KRT74: variants seen among roughly 807,000 people sequenced by gnomAD.
The protein encoded by KRT74 is keratin 74.
In KRT74, 43 loss-of-function variants were observed where a neutral mutation model predicts 42.7. The observed-to-expected ratio is 1.01, with a 90% CI of 0.79 to 1.30. The LOEUF is 1.30. KRT74 is among the 50% of genes most tolerant of loss of function. The pLI, the probability that KRT74 is intolerant of heterozygous loss-of-function variation, is 0.00. For missense variants in KRT74, 736 were observed against 689.1 expected, an observed-to-expected ratio of 1.07 and a Z score of -0.76; for synonymous variants, 302 against 279.0, an observed-to-expected ratio of 1.08 and a Z score of -0.82.
intron 2 of KRT74, 52 bp from the exon 3 acceptor site, chr12:52,572,056 T>C: frequency 7.4e-7 from 1 of 1,344,806 alleles, no homozygotes; most frequent in Admixed American, 1.7e-5. Context: ...AGGAACTTTC[T>C]CTTCCTGCTG....
chr12:52,570,537 T>C (rs1213998577), intron 5 of KRT74, 132 bp downstream of exon 5: 5 of 961,924 alleles, frequency 5.2e-6, no homozygotes, highest in Non-Finnish European at 1.6e-6. Context: ...AATTCCTTTT[T>C]TCCTTGAAGC....
intron 3 of KRT74, 123 bp downstream of exon 3, chr12:52,571,821 C>A: frequency 1.3e-6 from 1 of 794,750 alleles, no homozygotes; most frequent in South Asian, 1.4e-5. Context: ...TCCACCCTCA[C>A]CAGGCACCAG....
rs115878001 is a variant in KRT74 at position 52,573,525 on chromosome 12, G to T, written c.253C>A (p.Arg85=). The T allele has an allele frequency of 3.1e-6, 5 of 1,614,038 alleles. No homozygotes were observed. Among genetic ancestry groups the T allele is most frequent in the Non-Finnish European group, 4.2e-6 (5 of 1,180,032 alleles). ...FRPGSGYGGG[R]ASGFAGSMFG... ...ATACTGCCAGCAAAGCCACTGGCCC[G>T]GCCCCCTCCATACCCAGAGCCAGGC... The change falls in exon 1 of 9, where the codon CGG becomes AGG. Residue 85 remains arginine (R), a synonymous_variant. Coordinates refer to ENST00000305620, the MANE Select transcript of KRT74 (RefSeq NM_175053.4).
chr12:52,568,006 C>T (rs1241558577), intron 7 of KRT74, among the ~76,000 whole-genome samples, 163 bp downstream of exon 7: 1 of 152,146 alleles, frequency 6.6e-6, no homozygotes, highest in Non-Finnish European at 1.5e-5. Context: ...CGCTTCATGG[C>T]TCATGTCCAA....
chr12:52,570,532 C>T, intron 5 of KRT74, 137 bp downstream of exon 5: 2 of 917,442 alleles, frequency 2.2e-6, no homozygotes, highest in South Asian at 3.0e-5. Flanking sequence ...CTAAGAATTC[C>T]TTTTTTCCTT....
At position 52,570,817 on chromosome 12, in the gene KRT74, T is replaced by C. The variant is rs776280010; in HGVS notation, c.860A>G (p.Gln287Arg). 12 of 1,614,252 alleles carry C rather than the reference T, an allele frequency of 7.4e-6. No individual in the cohort carries two copies. Among genetic ancestry groups the C allele is most frequent in the South Asian group, 3.3e-5 (3 of 91,086 alleles). ...GACAGAGGTCTCACTGGCGTGAGTC[T>C]GGATCTGAGCGATCTCCTGCATTGA... ...CLYDAEIAQI[Q>R]THASETSVIL... The change falls in exon 5 of 9, where the codon CAG becomes CGG. Residue 287 changes from glutamine to arginine, a missense_variant. Gln to Arg is a conservative substitution (Grantham distance 43). Coordinates refer to ENST00000305620, the MANE Select transcript of KRT74 (RefSeq NM_175053.4).
chr12:52,567,241 TC>T, intron 8 of KRT74, 73 bp from the exon 9 acceptor site: 1 of 1,301,734 alleles, frequency 7.7e-7, no homozygotes. Context: ...GTAACGGCTG[TC>T]CCCAAGGGCT....
chr12:52,573,723 G>A lies in KRT74; in HGVS notation c.55C>T (p.His19Tyr), dbSNP rs1939531985. Residue 19 changes from histidine (H) to tyrosine (Y), a missense_variant, in exon 1 of 9, where the codon CAT (histidine) becomes TAT (tyrosine). Physicochemically the swap from His to Tyr is moderately conservative, Grantham distance 83. Coordinates refer to ENST00000305620, the MANE Select transcript of KRT74 (RefSeq NM_175053.4). ...SSGDKGNFSV[H>Y]SAVVPRKAVG... ...GCCTTCCTTGGCACCACTGCCGAAT[G>A]CACACTGAAGTTGCCCTTGTCACCA... 1.2e-6 allele frequency: 2 copies of A among 1,614,088 alleles called. No individual in the cohort carries two copies. The highest frequency in any genetic ancestry group is 1.7e-6 in the Non-Finnish European group (2 of 1,180,032).
In KRT74 at chr12:52,566,201, C is replaced by T. The variant is rs951211169; in HGVS notation, c.*768G>A. ...CTGGCACATAGGTGGGTGACTGGGG[C>T]CAGTTCAGCAGCCTCTTGGGATCAG... is the stretch of plus-strand genomic sequence containing the variant. On this transcript the variant is annotated 3_prime_UTR_variant, in exon 9 of 9. Coordinates refer to ENST00000305620, the MANE Select transcript of KRT74 (RefSeq NM_175053.4). 5 of 152,176 alleles carry T rather than the reference C, an allele frequency of 3.3e-5. No individual in the cohort carries two copies. The highest frequency in any genetic ancestry group is 1.2e-4 in the African/African-American group (5 of 41,440). The allele number at this position is 152,176 out of a possible 1,614,324, so 9.4% of individuals were successfully genotyped here. A position where few individuals can be genotyped will look rare whatever the true frequency, so the allele number is the denominator to read the frequency against.
At chr12:52,571,328 G>A (rs372547457) in intron 4 of KRT74, 31 bp downstream of exon 4, 5 of 1,319,680 alleles carry the variant, frequency 3.8e-6, no homozygotes, top group Admixed American at 1.7e-5. Context: ...AAGGAGGCAG[G>A]GTGAGGGTGG....
rs762256660 is a variant in KRT74, at chr12:52,573,501, T to C, written c.277A>G (p.Met93Val). The change falls in exon 1 of 9, where the codon ATG becomes GTG. Residue 93 changes from methionine (M) to valine (V), a missense_variant. By Grantham distance (21) the Met-to-Val change is conservative (BLOSUM62 1). Coordinates refer to ENST00000305620, the MANE Select transcript of KRT74 (RefSeq NM_175053.4). ...GGCCCCAGGGCCACACTGCCAAACA[T>C]ACTGCCAGCAAAGCCACTGGCCCGG... Reference protein sequence around the residue: ...GGRASGFAGSMFGSVALGPAC... With the variant: ...GGRASGFAGSVFGSVALGPAC... 4 of 1,614,076 alleles carry C rather than the reference T, an allele frequency of 2.5e-6. No homozygotes were observed. The highest frequency in any genetic ancestry group is 2.2e-5 in the East Asian group (1 of 44,868).
At chr12:52,572,043 C>T (rs760020771) in intron 2 of KRT74, 39 bp from the exon 3 acceptor site, 2 of 1,454,924 alleles carry the variant, frequency 1.4e-6, no homozygotes, top group East Asian at 4.5e-5. Flanking sequence ...GCCCCCTTAG[C>T]CAAGGAACTT....
chr12:52,569,830 C>T (rs371960701), intron 6 of KRT74, 29 bp downstream of exon 6: 22 of 1,613,964 alleles, frequency 1.4e-5, no homozygotes, highest in African/African-American at 4.0e-5. Context: ...CTGTGGAGAC[C>T]GGGAGTTCTT....
chr12:52,571,413 G>T lies in KRT74; in HGVS notation c.789C>A (p.Ala263=). The change falls in exon 4 of 9, where the codon GCC becomes GCA. Residue 263 remains alanine, a synonymous_variant. Transcript: ENST00000305620. ...TTTCTTTGTCCAGTGAGTCCACTTT[G>T]GCCTGAAGCTCCACCTTGACTGCGT... is the stretch of plus-strand genomic sequence containing the variant. ...AAYAVKVELQ[A]KVDSLDKEIK... 1 of 1,613,936 alleles carries T rather than the reference G, an allele frequency of 6.2e-7. No homozygotes were observed. The highest frequency in any genetic ancestry group is 8.5e-7 in the Non-Finnish European group (1 of 1,179,872).
chr12:52,568,625 CGAT>C (rs1372074334), intron 6 of KRT74: 3 of 586,742 alleles, frequency 5.1e-6, no homozygotes, highest in Non-Finnish European at 9.0e-6. Flanking sequence ...GAAGAAATGT[CGAT>C]GTTTGCAAAG....
rs1230902581 is a variant in KRT74, at chr12:52,567,781, A to G, written c.1356-88T>C. The stretch of plus-strand genomic sequence containing the variant: ...GGGCTCCTGCTTTTATACGTGCATC[A>G]TTTAAACTCATCCTTATAACAACTT... On this transcript the variant is annotated intron_variant, in intron 7 of 8. Transcript: ENST00000305620. 4.3e-6 allele frequency: 4 copies of G among 933,306 alleles called. No individual in the cohort carries two copies. The East Asian group carries it at 9.7e-5, about 23-fold the overall frequency. 57.8% of individuals were successfully genotyped at this position (933,306 alleles called of 1,614,324 possible).
Position 52,566,835 on chromosome 12 carries a change from C to T in KRT74, c.*134G>A. ...TCAGAGCTTGAAAGTAAAAGCTAAA[C>T]CACGATGCAGACAGTTGAGTGTACT... On this transcript the variant is annotated 3_prime_UTR_variant, in exon 9 of 9. Transcript: ENST00000305620. 1.5e-6 allele frequency: 1 copy of T among 658,226 alleles called. No homozygotes were observed. The highest frequency in any genetic ancestry group is 2.5e-6 in the Non-Finnish European group (1 of 395,286). The allele number at this position is 658,226 out of a possible 1,614,324, so 40.8% of individuals were successfully genotyped here.
intron 6 of KRT74, 53 bp from the exon 7 acceptor site, chr12:52,568,442 A>G (rs903623029): frequency 3.2e-6 from 5 of 1,575,598 alleles, no homozygotes; most frequent in Non-Finnish European, 4.3e-6. Context: ...CATTTAGCTC[A>G]TACCAGTTAA....
intron 4 of KRT74, 126 bp downstream of exon 4, chr12:52,571,233 C>A: frequency 1.4e-6 from 1 of 727,684 alleles, no homozygotes; most frequent in Non-Finnish European, 2.5e-6. Flanking sequence ...TCTCCTGGTG[C>A]AGGGTTTTGT....
Sources: allele counts gnomAD v4.1 joint callset (sites outside exome capture counted in the v4.1 genomes callset), GRCh38; gene constraint gnomAD v4.1.1; transcripts MANE v1.5; gene names NCBI Gene and HGNC (gene_info 2026-07-23, HGNC 2026-07-21).